PCDHA9: variants seen among roughly 807,000 people sequenced by gnomAD.
PCDHA9 encodes protocadherin alpha-9.
Under a neutral mutation model 62.0 loss-of-function variants are expected in PCDHA9, and 62 were observed. That is an observed-to-expected ratio of 1.00 (90% confidence interval 0.81 to 1.23). The LOEUF is 1.23. Among genes scored for constraint, PCDHA9 ranks in the 50% most tolerant of loss-of-function variants. PCDHA9 has a pLI of 0.00. For synonymous variants in PCDHA9, 557 were observed against 567.6 expected (o/e 0.98, Z 0.27); for missense variants, 1,205 against 1,249.8 (o/e 0.96, Z 0.54).
intron 1 of PCDHA9, among the ~76,000 whole-genome samples, chr5:140,920,166 A>G (rs539079245): frequency 2.2e-4 from 34 of 152,328 alleles, no homozygotes; most frequent in African/African-American, 7.9e-4. Flanking sequence ...AACTGTCTTA[A>G]GCAACCCAGT....
chr5:140,948,763 C>T (rs1195337502), intron 1 of PCDHA9, among the ~76,000 whole-genome samples: 4 of 151,102 alleles, frequency 2.6e-5, no homozygotes, highest in Non-Finnish European at 4.4e-5. Flanking sequence ...TGATTTTTTT[C>T]GAATAGCCAG....
At chr5:140,868,057 G>C (rs1243916361) in intron 1 of PCDHA9, 4 of 152,030 alleles carry the variant, frequency 2.6e-5, no homozygotes, top group African/African-American at 7.2e-5. Flanking sequence ...ATGGCACAAA[G>C]ATGTTCAGGG....
At chr5:140,928,610 C>T (rs935238036) in intron 1 of PCDHA9, 1 of 1,614,254 alleles carries the variant, frequency 6.2e-7, no homozygotes, top group Non-Finnish European at 8.5e-7. Flanking sequence ...GTGCCCCGCT[C>T]TGCCAGGACT....
chr5:140,896,465 C>T (rs967658819), intron 1 of PCDHA9, among the ~76,000 whole-genome samples: 8 of 151,988 alleles, frequency 5.3e-5, no homozygotes, highest in South Asian at 4.1e-4. Context: ...TGGGTTCAAG[C>T]GGTTCTCCTG....
chr5:140,865,785 T>C (rs2049000599), intron 1 of PCDHA9: 1 of 152,188 alleles, frequency 6.6e-6, no homozygotes, highest in South Asian at 2.1e-4. Flanking sequence ...ATGTGTATCT[T>C]TCAGGCTTCA....
chr5:140,886,159 C>T (rs1006053368), intron 1 of PCDHA9, among the ~76,000 whole-genome samples: 16 of 152,164 alleles, frequency 1.1e-4, no homozygotes, highest in Non-Finnish European at 2.1e-4. Flanking sequence ...TTTTTATAGC[C>T]ACATCTGCTT....
At chr5:140,869,684 T>G in intron 1 of PCDHA9, 1 of 1,613,486 alleles carries the variant, frequency 6.2e-7, no homozygotes, top group Non-Finnish European at 8.5e-7. Flanking sequence ...AGACTGTCAC[T>G]TATTTTAAAG....
At chr5:140,979,102 C>G in intron 2 of PCDHA9, 95 bp downstream of exon 2, 1 of 1,541,802 alleles carries the variant, frequency 6.5e-7, no homozygotes. Context: ...GCTGTCAAAA[C>G]TAAAAAGCTT....
At chr5:140,877,654 A>T in intron 1 of PCDHA9, 1 of 1,613,490 alleles carries the variant, frequency 6.2e-7, no homozygotes, top group South Asian at 1.1e-5. Flanking sequence ...AGCGCCGCCC[A>T]CCGTGAGCCG....
chr5:140,927,843 C>G, intron 1 of PCDHA9: 2 of 1,614,186 alleles, frequency 1.2e-6, no homozygotes, highest in Non-Finnish European at 1.7e-6. Flanking sequence ...ACGAAGGTGT[C>G]TTTGGTTTAG....
At chr5:140,866,557 A>G (rs1554160392) in intron 1 of PCDHA9, 1 of 152,136 alleles carries the variant, frequency 6.6e-6, no homozygotes, top group Non-Finnish European at 1.5e-5. Context: ...TAAATCCTAT[A>G]ATTTTGTTAA....
intron 3 of PCDHA9, among the ~76,000 whole-genome samples, chr5:140,989,348 G>A (rs1455202093): frequency 6.6e-6 from 1 of 152,196 alleles, no homozygotes; most frequent in African/African-American, 2.4e-5. Context: ...GCTCAAAGGT[G>A]ATAGGTCACC....
At chr5:140,859,044 G>A (rs1228604447) in intron 1 of PCDHA9, 2 of 150,376 alleles carry the variant, frequency 1.3e-5, no homozygotes, top group Non-Finnish European at 3.0e-5. Flanking sequence ...CTTTAAAAAC[G>A]TTTTCCATTT....
At chr5:140,954,275 T>C (rs1447578594) in intron 1 of PCDHA9, among the ~76,000 whole-genome samples, 1 of 152,218 alleles carries the variant, frequency 6.6e-6, no homozygotes, top group Non-Finnish European at 1.5e-5. Context: ...AATAGGATGA[T>C]TTATATTCCT....
At chr5:140,968,907 C>G in intron 1 of PCDHA9, 1 of 1,614,180 alleles carries the variant, frequency 6.2e-7, no homozygotes. Context: ...GCATTAAGCA[C>G]AGTGTCTTTT....
In PCDHA9 at chr5:140,850,244, G is replaced by GTCGGT; in HGVS notation, c.1750_1754dup (p.Gly586ArgfsTer6). The GTCGGT allele has an allele frequency of 6.3e-7, 1 of 1,593,676 alleles. No homozygotes were observed. Among genetic ancestry groups the GTCGGT allele is most frequent in the South Asian group, 1.1e-5 (1 of 90,412 alleles). ...GCGCAGTGAGCGAGATGGTGCTGCG[G>GTCGGT]TCGGTGGGCGCCGGCGTAGTGGTGG... On this transcript the variant is annotated frameshift_variant, in exon 1 of 4. Transcript: ENST00000532602. LOFTEE classifies it high-confidence loss of function.
rs1446194845 is a variant in PCDHA9 at position 140,858,041 on chromosome 5, C to T, written c.2394+7152C>T. 8 of 1,596,732 alleles carry T rather than the reference C, an allele frequency of 5.0e-6. No homozygotes were observed. The African/African-American group carries it at 6.8e-5, about 14-fold the overall frequency. On this transcript the variant is annotated intron_variant, in intron 1 of 3. Transcript: ENST00000532602. ...GTCGCTGACGGCCACGGCCACTGTG[C>T]TTGTGTCGCTTGTGGAGGGCAGCCA...
At chr5:140,883,705 T>G (rs251380) in intron 1 of PCDHA9, 1,065,865 of 1,613,504 alleles carry the variant, frequency 0.66, 353,266 homozygotes, top group Middle Eastern at 0.71. Flanking sequence ...CGGTGTCTGC[T>G]CAGGACGCGG....
chr5:140,903,275 T>G (rs1313552617), intron 1 of PCDHA9, among the ~76,000 whole-genome samples: 1 of 152,210 alleles, frequency 6.6e-6, no homozygotes, highest in East Asian at 1.9e-4. Context: ...TGAGGTAGTG[T>G]CTCATTGTGC....
Sources: gnomAD v4.1 joint callset for allele counts (sites outside exome capture counted in the v4.1 genomes callset) on GRCh38, gnomAD v4.1.1 for gene constraint, MANE v1.5 for transcripts, NCBI Gene and HGNC (gene_info 2026-07-23, HGNC 2026-07-21) for gene names.